The following PLA2R1 variants were observed in gnomAD, a reference collection of about 807,000 sequenced individuals.
The protein encoded by PLA2R1 is secretory phospholipase A2 receptor.
A neutral mutation model predicts 195.9 loss-of-function variants in PLA2R1; 158 were observed. The ratio of observed to expected loss-of-function variants is 0.81; its 90% CI spans 0.71 to 0.92. PLA2R1 has a LOEUF of 0.92. Among genes scored for constraint, PLA2R1 ranks in the 40% least tolerant of loss-of-function variants. The pLI, the probability that PLA2R1 is intolerant of heterozygous loss-of-function variation, is 0.00. For synonymous variants in PLA2R1, 586 were observed against 598.2 expected, an observed-to-expected ratio of 0.98 and a Z score of 0.30; for missense variants, 1,626 against 1,764.6, an observed-to-expected ratio of 0.92 and a Z score of 1.41.
chr2:160,004,638 C>G (rs796991451), intron 11 of PLA2R1, among the ~76,000 whole-genome samples: 8 of 152,364 alleles, frequency 5.3e-5, no homozygotes, highest in African/African-American at 1.7e-4. Context: ...AACTTAGTAA[C>G]TCTTTGCTGT....
At chr2:159,974,197 CGTT>C (rs528035340) in intron 17 of PLA2R1, among the ~76,000 whole-genome samples, 156 of 152,264 alleles carry the variant, frequency 1.0e-3, no homozygotes, top group South Asian at 0.01. Context: ...GTAATGAAGA[CGTT>C]GTGCTCTTAC....
rs532170053 is a variant in PLA2R1 at position 159,937,045 on chromosome 2, A to T, written c.*4733T>A. 6.6e-6 allele frequency: 1 copy of T among 152,320 alleles called. No homozygotes were observed. Among genetic ancestry groups the T allele is most frequent in the East Asian group, 1.9e-4 (1 of 5,188 alleles). 9.4% of individuals were successfully genotyped at this position (152,320 alleles called of 1,614,324 possible). A position where few individuals can be genotyped will look rare whatever the true frequency, so the allele number is the denominator to read the frequency against. On this transcript the variant is annotated 3_prime_UTR_variant, in exon 30 of 30. Transcript: ENST00000283243. ...AAAAATCAGTGATTCTACATTAAAAATTATTTTCTATATCAACCAACTGCT... is the reference window on the plus strand; with the variant it reads ...AAAAATCAGTGATTCTACATTAAAATTTATTTTCTATATCAACCAACTGCT...
intron 11 of PLA2R1, among the ~76,000 whole-genome samples, chr2:159,989,456 C>T (rs1303777753): frequency 6.6e-6 from 1 of 152,124 alleles, no homozygotes; most frequent in Admixed American, 6.6e-5. Flanking sequence ...TTGAGGGGCC[C>T]CAGTGGAAAC....
At chr2:159,928,067 T>C (rs1274924307), downstream of PLA2R1, among the ~76,000 whole-genome samples, 1 of 152,158 alleles carries the variant, frequency 6.6e-6, no homozygotes, top group Non-Finnish European at 1.5e-5. Context: ...GACTGGAACT[T>C]AAAGATGACC....
chr2:160,049,938 AAC>A lies in PLA2R1; in HGVS notation c.110-4783_110-4782del. On this transcript the variant is annotated intron_variant, in intron 1 of 29. Coordinates refer to ENST00000283243, the MANE Select transcript of PLA2R1 (RefSeq NM_007366.5). The stretch of plus-strand genomic sequence containing the variant: ...AGCACATGGACACAGGGAGGGAAAC[AAC>A]ACACACTGAGGCCTGTGGCAGGGGC... 1.3e-5 allele frequency among the ~76,000 whole-genome samples: 2 copies of A among 152,310 alleles called. 1 individual carries two copies. The highest frequency in any genetic ancestry group is 4.1e-4 in the South Asian group (2 of 4,820).
chr2:160,005,828 A>AG lies in PLA2R1; in HGVS notation c.1665-8dup. The AG allele has an allele frequency of 6.3e-7, 1 of 1,599,670 alleles. No individual in the cohort carries two copies. Among genetic ancestry groups the AG allele is most frequent in the African/African-American group, 1.3e-5 (1 of 74,688 alleles). On this transcript the variant is annotated splice_polypyrimidine_tract_variant and splice_region_variant and intron_variant, in intron 10 of 29. Coordinates refer to ENST00000283243, the MANE Select transcript of PLA2R1 (RefSeq NM_007366.5). ...AATAAAAGCCTGTTCAAACCTTAAAAGGGGAAAAAAGAAGTGGTTACATTA... is the reference window on the plus strand; with the variant it reads ...AATAAAAGCCTGTTCAAACCTTAAAAGGGGGAAAAAAGAAGTGGTTACATTA...
Position 160,026,806 on chromosome 2 carries a change from C to T in PLA2R1, c.1099+1412G>A, listed in dbSNP as rs150163353. 2.2e-3 allele frequency among the ~76,000 whole-genome samples: 337 copies of T among 152,282 alleles called. 2 individuals carry two copies. The Middle Eastern group carries it at 0.054, about 25-fold the overall frequency. The stretch of plus-strand genomic sequence containing the variant: ...GTATATCATTGACCCCAATGGTTTT[C>T]AGCCTAAAAAAGCACTCATGAAATC... On this transcript the variant is annotated intron_variant, in intron 6 of 29. Transcript: ENST00000283243.
Position 159,946,823 on chromosome 2 carries a change from C to G in PLA2R1, c.3945G>C (p.Leu1315Phe). 1 of 1,609,088 alleles carries G rather than the reference C, an allele frequency of 6.2e-7. No homozygotes were observed. The part of the protein sequence containing the change: ...AFGSSVQMVW[L>F]NAQFDGNNET... ...TACTGTTACCATCAAATTGAGCATT[C>G]AACCAAACCATCTGGACAGAAGAAC... Residue 1315 changes from leucine (L) to phenylalanine (F), a missense_variant, in exon 27 of 30, where the codon TTG (leucine) becomes TTC (phenylalanine). Transcript: ENST00000283243.
intron 5 of PLA2R1, 80 bp from the exon 6 acceptor site, chr2:160,028,441 CG>C (rs1693655636): frequency 2.1e-6 from 2 of 961,396 alleles, no homozygotes; most frequent in Non-Finnish European, 3.3e-6. Flanking sequence ...TTTTCAGCAT[CG>C]GGGGACAGCG....
chr2:160,016,793 A>G (rs543436956), intron 8 of PLA2R1, 81 bp from the exon 9 acceptor site: 3 of 633,706 alleles, frequency 4.7e-6, no homozygotes, highest in Non-Finnish European at 8.6e-6. Context: ...TAAAAAAAAT[A>G]TGATGAATAA....
At chr2:160,042,268 C>T (rs12467263) in intron 2 of PLA2R1, 70 bp from the exon 3 acceptor site, 28,365 of 1,388,972 alleles carry the variant, frequency 0.02, 1,464 homozygotes, top group African/African-American at 0.19. Flanking sequence ...TGCTATATAT[C>T]GAAAGCATTT....
chr2:159,985,807 G>A (rs931843135), intron 12 of PLA2R1, among the ~76,000 whole-genome samples: 1 of 152,110 alleles, frequency 6.6e-6, no homozygotes, highest in African/African-American at 2.4e-5. Context: ...ATTGCAGGAG[G>A]ACAGGTCCCC....
At chr2:160,036,775 A>G (rs1018532381) in intron 3 of PLA2R1, among the ~76,000 whole-genome samples, 4 of 152,202 alleles carry the variant, frequency 2.6e-5, no homozygotes, top group African/African-American at 9.7e-5. Context: ...CCCAGAATCT[A>G]TACAACTGAA....
chr2:159,958,976 A>T (rs1293622724), intron 20 of PLA2R1, among the ~76,000 whole-genome samples: 1 of 152,190 alleles, frequency 6.6e-6, no homozygotes, highest in Non-Finnish European at 1.5e-5. Context: ...TAGGATAAAA[A>T]CCAGAAACAC....
intron 1 of PLA2R1, among the ~76,000 whole-genome samples, chr2:160,053,339 C>T (rs888036748): frequency 1.3e-4 from 10 of 79,014 alleles, no homozygotes; most frequent in East Asian, 3.2e-4. Flanking sequence ...CATTTTTATA[C>T]GAATTTGGTG....
chr2:160,035,050 T>C (rs1211669124), intron 3 of PLA2R1, among the ~76,000 whole-genome samples: 2 of 152,212 alleles, frequency 1.3e-5, no homozygotes, highest in Non-Finnish European at 2.9e-5. Flanking sequence ...GAAACATAAA[T>C]GAAGTCTGTG....
chr2:159,966,021 C>G (rs1490686854), intron 20 of PLA2R1, among the ~76,000 whole-genome samples: 1 of 152,136 alleles, frequency 6.6e-6, no homozygotes, highest in Non-Finnish European at 1.5e-5. Flanking sequence ...AGAAAAGTCA[C>G]ACAATTTTGT....
chr2:160,015,609 C>T lies in PLA2R1; in HGVS notation c.1551+1005G>A, dbSNP rs137958490. The stretch of plus-strand genomic sequence containing the variant: ...AGAAAGCCACAGTAAGACAAATCCC[C>T]CCACCCTCGCCCCTGCCCCGTCTTC... On this transcript the variant is annotated intron_variant, in intron 9 of 29. Coordinates refer to ENST00000283243, the MANE Select transcript of PLA2R1 (RefSeq NM_007366.5). Among the ~76,000 whole-genome samples the T allele has an allele frequency of 9.0e-3, 1,367 of 152,236 alleles. 17 individuals are homozygous for T. Among genetic ancestry groups the T allele is most frequent in the African/African-American group, 0.031 (1,301 of 41,508 alleles).
At chr2:159,990,338 T>A (rs1690683703) in intron 11 of PLA2R1, among the ~76,000 whole-genome samples, 1 of 152,190 alleles carries the variant, frequency 6.6e-6, no homozygotes, top group South Asian at 2.1e-4. Flanking sequence ...CACTCTCTCC[T>A]GCAAACACGA....
Sources: allele counts gnomAD v4.1 joint callset (sites outside exome capture counted in the v4.1 genomes callset), GRCh38; gene constraint gnomAD v4.1.1; transcripts MANE v1.5; gene names NCBI Gene and HGNC (gene_info 2026-07-23, HGNC 2026-07-21).